The following HIBCH variants were observed in gnomAD, a reference collection of about 807,000 sequenced individuals.
The protein encoded by HIBCH is 3-hydroxyisobutyryl-CoA hydrolase, mitochondrial.
A neutral mutation model predicts 58.2 loss-of-function variants in HIBCH; 50 were observed. That is an observed-to-expected ratio of 0.86 (90% CI 0.68 to 1.09). The LOEUF (loss-of-function observed/expected upper bound fraction) is 1.09, where lower values mean the gene tolerates loss of function less well. HIBCH is among the 50% of genes least tolerant of loss of function. The probability of loss-of-function intolerance (pLI) is 0.00; values close to 1 mark genes in which losing one functional copy is unlikely to be tolerated. For missense variants in HIBCH, 450 were observed against 449.7 expected (o/e 1.00, Z -0.01); for synonymous variants, 151 against 146.9 (o/e 1.03, Z -0.20).
At chr2:190,272,678 G>GA in intron 6 of HIBCH, among the ~76,000 whole-genome samples, 1 of 151,954 alleles carries the variant, frequency 6.6e-6, no homozygotes, top group Admixed American at 6.6e-5. Flanking sequence ...GTAGATCTCA[G>GA]AATCTGTAAG....
rs2105900697 is a variant in HIBCH at position 190,211,736 on chromosome 2, A to G, written c.1011+1220T>C. On this transcript the variant is annotated intron_variant, in intron 12 of 13. Coordinates refer to ENST00000359678, the MANE Select transcript of HIBCH (RefSeq NM_014362.4). The surrounding 1 kb of genome is among the most constrained non-coding windows in gnomAD (Gnocchi z 5.0). ...ACTTATCACAATTTATAATTATTTT[A>G]CTTATTTTGTTTACTTGTTCTTTGT... Among the ~76,000 whole-genome samples the G allele has an allele frequency of 6.6e-6, 1 of 152,252 alleles. No homozygotes were observed. Among genetic ancestry groups the G allele is most frequent in the East Asian group, 1.9e-4 (1 of 5,188 alleles).
intron 1 of HIBCH, among the ~76,000 whole-genome samples, chr2:190,191,050 C>T (rs898376303): frequency 2.0e-5 from 3 of 152,138 alleles, no homozygotes; most frequent in African/African-American, 7.2e-5. Context: ...AATCAGCATG[C>T]CTTTGAGTCA....
At chr2:190,308,319 G>C (rs1430408024) in intron 2 of HIBCH, among the ~76,000 whole-genome samples, 2 of 152,062 alleles carry the variant, frequency 1.3e-5, no homozygotes, top group Non-Finnish European at 2.9e-5. Flanking sequence ...TATAACAGCT[G>C]AATAAAATAA....
intron 8 of HIBCH, among the ~76,000 whole-genome samples, chr2:190,251,303 T>C (rs1475843874): frequency 6.6e-6 from 1 of 152,150 alleles, no homozygotes; most frequent in Non-Finnish European, 1.5e-5. Context: ...ATGTGCTTCC[T>C]TGAAAGCTGA....
At chr2:190,262,555 TC>T (rs1687118504) in intron 6 of HIBCH, among the ~76,000 whole-genome samples, 1 of 152,198 alleles carries the variant, frequency 6.6e-6, no homozygotes, top group Non-Finnish European at 1.5e-5. Context: ...CAACACAACC[TC>T]CTAACACTGC....
At chr2:190,264,968 C>T (rs1439105174) in intron 6 of HIBCH, among the ~76,000 whole-genome samples, 1 of 151,624 alleles carries the variant, frequency 6.6e-6, no homozygotes, top group Admixed American at 6.6e-5. Flanking sequence ...ACTAAAACAA[C>T]AAAAATTAGC....
At chr2:190,309,135 T>C (rs940679234) in intron 2 of HIBCH, among the ~76,000 whole-genome samples, 4 of 152,240 alleles carry the variant, frequency 2.6e-5, no homozygotes, top group African/African-American at 9.6e-5. Context: ...AAAGGGTTTT[T>C]ATATTTATGC....
chr2:190,238,862 A>C (rs1686364872), intron 11 of HIBCH, among the ~76,000 whole-genome samples: 1 of 152,074 alleles, frequency 6.6e-6, no homozygotes, highest in Non-Finnish European at 1.5e-5. Context: ...TAGACTCTGG[A>C]TATTAGACCT....
chr2:190,267,474 G>A (rs1362314251), intron 6 of HIBCH, among the ~76,000 whole-genome samples: 1 of 152,024 alleles, frequency 6.6e-6, no homozygotes, highest in Non-Finnish European at 1.5e-5. Context: ...TGAGATTACA[G>A]GCATGAGTCA....
chr2:190,287,756 C>G, intron 5 of HIBCH, 118 bp from the exon 6 acceptor site: 2 of 705,032 alleles, frequency 2.8e-6, no homozygotes, highest in South Asian at 3.3e-5. Context: ...TAGCAAGAAA[C>G]ACCAAAGACG....
chr2:190,294,631 C>T lies in HIBCH; in HGVS notation c.220-1G>A. ...AAGTTTCAGGATCTTGTTCCCACTT[C>T]TATTCAAATGTAACAGAAGATGGTA... On this transcript the variant is annotated splice_acceptor_variant, in intron 3 of 13. Coordinates refer to ENST00000359678, the MANE Select transcript of HIBCH (RefSeq NM_014362.4). LOFTEE classifies it high-confidence loss of function. 1.2e-6 allele frequency: 2 copies of T among 1,603,008 alleles called. No homozygotes were observed. Among genetic ancestry groups the T allele is most frequent in the Non-Finnish European group, 1.7e-6 (2 of 1,170,800 alleles).
chr2:190,226,852 C>T (rs1193316844), intron 11 of HIBCH, among the ~76,000 whole-genome samples: 2 of 152,062 alleles, frequency 1.3e-5, no homozygotes, highest in Non-Finnish European at 2.9e-5. Flanking sequence ...GAATAAAATA[C>T]CTAAAATCCA....
intron 6 of HIBCH, among the ~76,000 whole-genome samples, chr2:190,267,453 T>C (rs567923320): frequency 1.3e-5 from 2 of 152,264 alleles, no homozygotes; most frequent in South Asian, 4.1e-4. Flanking sequence ...CACCTCGGCC[T>C]CCCAAAGTGC....
At chr2:190,276,557 C>T (rs2136566) in intron 6 of HIBCH, among the ~76,000 whole-genome samples, 84,250 of 151,986 alleles carry the variant, frequency 0.55, 24,091 homozygotes, top group South Asian at 0.61. Flanking sequence ...CTCGCTCTAT[C>T]AGTTCATACA....
intron 11 of HIBCH, among the ~76,000 whole-genome samples, chr2:190,240,175 G>T (rs1383816698): frequency 6.6e-6 from 1 of 152,174 alleles, no homozygotes; most frequent in Non-Finnish European, 1.5e-5. Context: ...CTCAATTTCA[G>T]AAATTGTTAT....
intron 11 of HIBCH, among the ~76,000 whole-genome samples, chr2:190,230,444 C>T (rs544366726): frequency 6.6e-5 from 10 of 152,214 alleles, no homozygotes; most frequent in Non-Finnish European, 1.2e-4. Flanking sequence ...CGCCTGTAAT[C>T]CCAGCACTTT....
At chr2:190,218,919 G>C (rs1685638560) in intron 11 of HIBCH, among the ~76,000 whole-genome samples, 1 of 152,200 alleles carries the variant, frequency 6.6e-6, no homozygotes, top group African/African-American at 2.4e-5. Context: ...AGTTCAGTAA[G>C]CCCGTGGGAA....
At chr2:190,208,194 A>T (rs1423563730) in intron 13 of HIBCH, among the ~76,000 whole-genome samples, 1 of 152,224 alleles carries the variant, frequency 6.6e-6, no homozygotes, top group Non-Finnish European at 1.5e-5. Flanking sequence ...TAATGACATC[A>T]TATGGTCTTT....
chr2:190,235,868 T>C (rs919080101), intron 11 of HIBCH, among the ~76,000 whole-genome samples: 1 of 152,180 alleles, frequency 6.6e-6, no homozygotes, highest in African/African-American at 2.4e-5. Context: ...ATTGTAATTG[T>C]TTATGTGTGT....
Sources: gnomAD v4.1 joint callset for allele counts (sites outside exome capture counted in the v4.1 genomes callset) on GRCh38, gnomAD v4.1.1 for gene constraint, Gnocchi (gnomAD v3.1) non-coding constraint, MANE v1.5 for transcripts, NCBI Gene and HGNC (gene_info 2026-07-23, HGNC 2026-07-21) for gene names.